The following PHKA2 variants were observed in gnomAD, a reference collection of about 807,000 sequenced individuals.
PHKA2 encodes the protein phosphorylase kinase regulatory subunit alpha 2.
A neutral mutation model predicts 102.0 loss-of-function variants in PHKA2; 31 were observed. The ratio of observed to expected loss-of-function variants is 0.30; its 90% CI spans 0.23 to 0.41. The LOEUF (loss-of-function observed/expected upper bound fraction) is 0.41. Ranked by LOEUF, PHKA2 falls within the 10% of genes least tolerant of loss-of-function variation. PHKA2 has a pLI of 1.00. For missense variants in PHKA2, 858 were observed against 1,023.1 expected (o/e 0.84, Z 2.20); for synonymous variants, 455 against 416.2 (o/e 1.09, Z -1.13).
intron 1 of PHKA2, among the ~76,000 whole-genome samples, chrX:18,967,238 A>G: frequency 9.0e-6 from 1 of 111,115 alleles, no homozygotes; most frequent in South Asian, 3.9e-4. Context: ...GTTACTAAGC[A>G]CTGAGCAGGA....
chrX:18,925,231 A>G (rs764740979), intron 15 of PHKA2, among the ~76,000 whole-genome samples: 4 of 112,473 alleles, frequency 3.6e-5, no homozygotes, highest in Non-Finnish European at 7.5e-5. Context: ...GTACTTCCAC[A>G]GGACTAGTTT....
chrX:18,965,976 A>G, intron 1 of PHKA2, among the ~76,000 whole-genome samples: 1 of 109,702 alleles, frequency 9.1e-6, no homozygotes, highest in East Asian at 2.9e-4. Flanking sequence ...GTGTATCTCC[A>G]CTTATCTGGC....
At position 18,954,355 on chromosome X, in the gene PHKA2, C is replaced by T; in HGVS notation, c.136G>A (p.Asp46Asn). Residue 46 changes from aspartate (D) to asparagine (N), a missense_variant, in exon 2 of 33, where the codon GAT becomes AAT. Asp to Asn is a conservative substitution (Grantham distance 23). Around this residue, in one of 2 missense-constraint regions of PHKA2, gnomAD observed 187 missense variants for 277.9 expected, o/e 0.67. Transcript: ENST00000379942. ...ACGGCCAGGATACTGTAGATGTTAT[C>T]CCGCACCCAGGCATCCTTCTGCTCA... is the stretch of plus-strand genomic sequence containing the variant. ...SHEQKDAWVR[D>N]NIYSILAVWG... 8.3e-7 allele frequency: 1 copy of T among 1,211,425 alleles called. No individual in the cohort carries two copies. The highest frequency in any genetic ancestry group is 1.1e-6 in the Non-Finnish European group (1 of 894,969).
rs146816534 is a variant in PHKA2 at position 18,902,480 on chromosome X, G to A, written c.2909-877C>T. 5.7e-3 allele frequency among the ~76,000 whole-genome samples: 623 copies of A among 108,659 alleles called. 5 individuals carry two copies. Among genetic ancestry groups the A allele is most frequent in the African/African-American group, 0.018 (542 of 29,855 alleles). The allele number at this position is 108,659 out of a possible 115,157, so 94.4% of individuals were successfully genotyped here. ...AAAATTATTCTAATAAAACATACCC[G>A]GCCAGGCGCGGTGGCTCACACCTGT... On this transcript the variant is annotated intron_variant, in intron 26 of 32. Coordinates refer to ENST00000379942, the MANE Select transcript of PHKA2 (RefSeq NM_000292.3).
chrX:18,982,649 C>T (rs888989975), intron 1 of PHKA2, among the ~76,000 whole-genome samples: 1 of 111,435 alleles, frequency 9.0e-6, no homozygotes, highest in Non-Finnish European at 1.9e-5. Context: ...GCCTGGCCAA[C>T]GCAGTGAAAC....
intron 1 of PHKA2, among the ~76,000 whole-genome samples, chrX:18,976,294 G>T (rs191237106): frequency 8.9e-6 from 1 of 111,919 alleles, no homozygotes; most frequent in East Asian, 2.8e-4. Flanking sequence ...TAACTTCCAA[G>T]ATACATAAAG....
rs745667880 is a variant in PHKA2, at chrX:18,894,298, G to A, written c.3443C>T (p.Thr1148Met). The change falls in exon 32 of 33, where the codon ACG becomes ATG. Residue 1148 changes from threonine to methionine, a missense_variant. Physicochemically the swap from Thr to Met is moderately conservative, Grantham distance 81. This residue lies in a region of PHKA2 where 671 missense variants were observed against 745.2 expected (regional missense o/e 0.90). Coordinates refer to ENST00000379942, the MANE Select transcript of PHKA2 (RefSeq NM_000292.3). Reference sequence around the variant, plus strand: ...GGTCATCTCCGTGTCCGAGAGCAGCGTCAGCACCATGATGGCTTCCACCAG... The same window carrying A: ...GGTCATCTCCGTGTCCGAGAGCAGCATCAGCACCATGATGGCTTCCACCAG... ...QLLVEAIMVL[T>M]LLSDTEMTSI... The A allele has an allele frequency of 5.2e-5, 63 of 1,209,680 alleles. No individual in the cohort carries two copies. Among genetic ancestry groups the A allele is most frequent in the South Asian group, 4.6e-4 (26 of 56,840 alleles).
chrX:18,895,178 G>A lies in PHKA2; in HGVS notation c.3296C>T (p.Ser1099Phe), dbSNP rs1162399266. 23 of 1,211,265 alleles carry A rather than the reference G, an allele frequency of 1.9e-5. No individual in the cohort carries two copies. The highest frequency in any genetic ancestry group is 2.5e-5 in the Non-Finnish European group (22 of 894,903). The change falls in exon 31 of 33, where the codon TCC becomes TTC. Residue 1099 changes from serine to phenylalanine, a missense_variant. Coordinates refer to ENST00000379942, the MANE Select transcript of PHKA2 (RefSeq NM_000292.3). ...WKILQKCHGL[S>F]IDGYVLPSST... is the part of the protein sequence containing the mutation. ...GGATGGGAGGACATAACCATCGATG[G>A]AGAGACCGTGGCACTGGAGGCAGAA...
intron 11 of PHKA2, among the ~76,000 whole-genome samples, chrX:18,932,293 A>G (rs768403997): frequency 8.0e-5 from 9 of 112,171 alleles, no homozygotes; most frequent in Non-Finnish European, 1.7e-4. Flanking sequence ...TCTCAGCAAA[A>G]TAAACTTTGG....
In PHKA2 at chrX:18,894,206, G is replaced by C. The variant is rs767673165; in HGVS notation, c.3535C>G (p.Gln1179Glu). 1.7e-6 allele frequency: 2 copies of C among 1,209,750 alleles called. No homozygotes were observed. Among genetic ancestry groups the C allele is most frequent in the Admixed American group, 4.3e-5 (2 of 46,071 alleles). The stretch of plus-strand genomic sequence containing the variant: ...ACCCAGCTCCCTGGCACCCCCACCT[G>C]GTCCTGCAAGAACAGCTGACTGGCC... ...QMASQLFLQD[Q>E]VSIGAMDTLE... is the part of the protein sequence containing the mutation. Residue 1179 changes from glutamine (Q) to glutamate (E), a missense_variant and splice_region_variant, in exon 32 of 33, where the codon CAG becomes GAG. Physicochemically the swap from Gln to Glu is conservative, Grantham distance 29. This residue lies in a region of PHKA2 where 671 missense variants were observed against 745.2 expected (regional missense o/e 0.90). Transcript: ENST00000379942.
intron 8 of PHKA2, among the ~76,000 whole-genome samples, chrX:18,940,266 G>A (rs1337745911): frequency 8.9e-6 from 1 of 112,028 alleles, no homozygotes; most frequent in East Asian, 2.8e-4. Context: ...TTCCATCAGA[G>A]TATCAGGGCT....
intron 31 of PHKA2, chrX:18,894,692 CATT>C (rs749171116): frequency 7.2e-6 from 3 of 416,194 alleles, no homozygotes; most frequent in African/African-American, 2.5e-5. Context: ...CTTTCCTCTT[CATT>C]ATTCCTTCCA....
chrX:18,971,065 C>T (rs752974324), intron 1 of PHKA2, among the ~76,000 whole-genome samples: 6 of 112,353 alleles, frequency 5.3e-5, no homozygotes, highest in African/African-American at 1.3e-4. Context: ...CTGGGTGAAC[C>T]GCCCAATGAC....
intron 27 of PHKA2, among the ~76,000 whole-genome samples, chrX:18,901,153 G>A (rs189760652): frequency 2.7e-5 from 3 of 110,500 alleles, no homozygotes; most frequent in Admixed American, 9.6e-5. Context: ...CAGATGATTC[G>A]GTGACTTTTT....
chrX:18,924,621 G>A (rs1601737739), intron 15 of PHKA2, 96 bp from the exon 16 acceptor site: 2 of 860,565 alleles, frequency 2.3e-6, no homozygotes, highest in East Asian at 3.1e-5. Flanking sequence ...GGGTTTTATT[G>A]CCAGGCAAGA....
chrX:18,907,083 C>T lies in PHKA2; in HGVS notation c.2532G>A (p.Leu844=), dbSNP rs61729452. 0.014 allele frequency: 16,381 copies of T among 1,182,524 alleles called. 96 individuals carry two copies. The highest frequency in any genetic ancestry group is 0.017 in the Non-Finnish European group (14,704 of 879,907). Residue 844 remains leucine (L), a synonymous_variant, in exon 23 of 33, where the codon CTG becomes CTA. Coordinates refer to ENST00000379942, the MANE Select transcript of PHKA2 (RefSeq NM_000292.3). ...CGGTGAGCTGCTTCTGGTGCGAAAG[C>T]AGGTCTGTGCAGGCCTGCGCAGTTA... is the stretch of plus-strand genomic sequence containing the variant. The part of the protein sequence containing the change: ...VEVLAEACTD[L]LSHQKQLTVG...
At chrX:18,921,741 C>A (rs756908178) in intron 17 of PHKA2, among the ~76,000 whole-genome samples, 2 of 111,120 alleles carry the variant, frequency 1.8e-5, no homozygotes, top group African/African-American at 6.5e-5. Flanking sequence ...AGCACCAGGG[C>A]TTAGAGGCCG....
rs1266005867 is a variant in PHKA2 at position 18,929,110 on chromosome X, C to G, written c.1324+118G>C. 1.5e-5 allele frequency: 8 copies of G among 530,490 alleles called. No homozygotes were observed. In the African/African-American group the frequency reaches 1.9e-4, roughly 12 times the overall value. The allele number at this position is 530,490 out of a possible 1,213,427, so 43.7% of individuals were successfully genotyped here. On this transcript the variant is annotated intron_variant, in intron 13 of 32. Transcript: ENST00000379942. ...AGGCATCTCACACAACTGCTACATG[C>G]TAAAGCATAGGCACATACACACTTT...
chrX:18,972,870 AG>A (rs1421087549), intron 1 of PHKA2, among the ~76,000 whole-genome samples: 2 of 112,027 alleles, frequency 1.8e-5, no homozygotes, highest in African/African-American at 3.2e-5. Flanking sequence ...TGCTGAATAG[AG>A]GGGGTGATAG....
Sources: allele counts gnomAD v4.1 joint callset (sites outside exome capture counted in the v4.1 genomes callset), GRCh38; gene constraint gnomAD v4.1.1; regional missense constraint gnomAD v4.1.1; transcripts MANE v1.5; gene names NCBI Gene and HGNC (gene_info 2026-07-23, HGNC 2026-07-21).